Variants in SGCZ observed in about 807,000 individuals in gnomAD.
The protein encoded by SGCZ is sarcoglycan zeta, also known as zeta-sarcoglycan.
SGCZ carries 40 observed loss-of-function variants against 41.3 expected under a neutral mutation model. The ratio of observed to expected loss-of-function variants is 0.97; its 90% CI spans 0.75 to 1.26. The LOEUF is 1.26. SGCZ is among the 50% of genes most tolerant of loss of function. The pLI, the probability that SGCZ is intolerant of heterozygous loss-of-function variation, is 0.00. For missense variants in SGCZ, 552 were observed against 369.8 expected (o/e 1.49, Z -4.04); for synonymous variants, 206 against 137.5 (o/e 1.50, Z -3.49).
chr8:14,814,785 G>A (rs1801850715), intron 1 of SGCZ, among the ~76,000 whole-genome samples: 1 of 151,996 alleles, frequency 6.6e-6, no homozygotes, highest in East Asian at 1.9e-4. Context: ...TTTTTCTTGA[G>A]CAAGGTATTA....
At chr8:14,971,944 T>G (rs946284084) in intron 1 of SGCZ, among the ~76,000 whole-genome samples, 2 of 152,118 alleles carry the variant, frequency 1.3e-5, no homozygotes, top group Admixed American at 1.3e-4. Flanking sequence ...TTTGCAAAAC[T>G]TTTGTTTTGA....
Position 14,518,252 on chromosome 8 carries a change from G to A in SGCZ, c.234+36480C>T, listed in dbSNP as rs554261736. Reference sequence around the variant, plus strand: ...AGCTTGCTATTGTTGGATTTCAAAAGCTAACACCTGAAAATATGCTAATCA... The same window carrying A: ...AGCTTGCTATTGTTGGATTTCAAAAACTAACACCTGAAAATATGCTAATCA... On this transcript the variant is annotated intron_variant, in intron 2 of 7. Transcript: ENST00000382080. Among the ~76,000 whole-genome samples, 372 of 151,970 alleles carry A rather than the reference G, an allele frequency of 2.4e-3. 1 individual carries two copies. The highest frequency in any genetic ancestry group is 3.2e-3 in the Non-Finnish European group (220 of 67,920).
At chr8:14,139,757 C>A (rs898845558) in intron 5 of SGCZ, among the ~76,000 whole-genome samples, 1 of 152,106 alleles carries the variant, frequency 6.6e-6, no homozygotes, top group East Asian at 1.9e-4. Context: ...ACCAGAGGTA[C>A]AAAGAGAAGC....
chr8:14,923,638 A>G (rs1189022690), intron 1 of SGCZ, among the ~76,000 whole-genome samples: 2 of 152,246 alleles, frequency 1.3e-5, no homozygotes, highest in Non-Finnish European at 2.9e-5. Context: ...GCAAAGAACA[A>G]TTTAAAGTAC....
chr8:15,052,685 C>A (rs1585514416), intron 1 of SGCZ, among the ~76,000 whole-genome samples: 1 of 152,254 alleles, frequency 6.6e-6, no homozygotes, highest in East Asian at 1.9e-4. Flanking sequence ...AAAATTAAGA[C>A]TTTATGGACA....
At chr8:14,427,050 G>T (rs1019470877) in intron 2 of SGCZ, among the ~76,000 whole-genome samples, 1 of 143,180 alleles carries the variant, frequency 7.0e-6, no homozygotes, top group Non-Finnish European at 1.6e-5. Flanking sequence ...ATGAATGAAT[G>T]AATGAATGAA....
chr8:14,597,625 G>A (rs1325407575), intron 1 of SGCZ, among the ~76,000 whole-genome samples: 2 of 152,082 alleles, frequency 1.3e-5, no homozygotes, highest in Non-Finnish European at 2.9e-5. Context: ...TTACAGGCAT[G>A]TGCCACCATG....
intron 1 of SGCZ, among the ~76,000 whole-genome samples, chr8:15,004,439 A>G (rs1326035533): frequency 6.6e-6 from 1 of 152,148 alleles, no homozygotes; most frequent in African/African-American, 2.4e-5. Context: ...AAAAAGGCAG[A>G]CACTTAAGAT....
chr8:14,571,169 CG>C (rs766068328), intron 1 of SGCZ, among the ~76,000 whole-genome samples: 1 of 151,832 alleles, frequency 6.6e-6, no homozygotes, highest in East Asian at 1.9e-4. Context: ...TGCAAGGTGG[CG>C]GGAAAGGGAG....
intron 5 of SGCZ, among the ~76,000 whole-genome samples, chr8:14,155,157 G>A (rs1225829551): frequency 3.3e-5 from 5 of 152,178 alleles, no homozygotes; most frequent in Non-Finnish European, 7.3e-5. Context: ...GCTGGCAAAT[G>A]TCCAGTTTCC....
At chr8:14,856,477 T>G (rs1803549544) in intron 1 of SGCZ, among the ~76,000 whole-genome samples, 1 of 152,168 alleles carries the variant, frequency 6.6e-6, no homozygotes, top group Non-Finnish European at 1.5e-5. Context: ...GCCAAAGTTT[T>G]CCACACTCAG....
At chr8:15,143,212 A>G (rs1215506485) in intron 1 of SGCZ, among the ~76,000 whole-genome samples, 2 of 152,246 alleles carry the variant, frequency 1.3e-5, no homozygotes, top group Non-Finnish European at 2.9e-5. Flanking sequence ...TGCTACAAAC[A>G]TAATAAAAGT....
At chr8:14,252,544 T>C (rs1799322559) in intron 3 of SGCZ, among the ~76,000 whole-genome samples, 1 of 152,200 alleles carries the variant, frequency 6.6e-6, no homozygotes, top group East Asian at 1.9e-4. Flanking sequence ...ATTGTTTGTT[T>C]AGATCATAAT....
chr8:14,882,452 TTCTA>T (rs1804629269), intron 1 of SGCZ, among the ~76,000 whole-genome samples: 2 of 152,328 alleles, frequency 1.3e-5, no homozygotes, highest in East Asian at 1.9e-4. Context: ...ATTATTTTCC[TTCTA>T]TCTATGTGTT....
At chr8:14,515,845 T>A (rs985664682) in intron 2 of SGCZ, among the ~76,000 whole-genome samples, 1 of 152,110 alleles carries the variant, frequency 6.6e-6, no homozygotes, top group African/African-American at 2.4e-5. Context: ...ATTAGATAAG[T>A]GCTTTGCTTA....
intron 1 of SGCZ, among the ~76,000 whole-genome samples, chr8:14,824,624 G>A (rs568214363): frequency 2.0e-5 from 3 of 151,948 alleles, no homozygotes; most frequent in East Asian, 1.9e-4. Context: ...CCAAGAACCT[G>A]CCTTTACATC....
chr8:14,329,825 G>C (rs1377728980), intron 2 of SGCZ, among the ~76,000 whole-genome samples: 4 of 151,632 alleles, frequency 2.6e-5, no homozygotes, highest in African/African-American at 9.7e-5. Context: ...GTTGGTGTTG[G>C]TATTTGTTTT....
chr8:14,636,795 T>C (rs1343498426), intron 1 of SGCZ, among the ~76,000 whole-genome samples: 1 of 151,846 alleles, frequency 6.6e-6, no homozygotes, highest in Non-Finnish European at 1.5e-5. Flanking sequence ...TAAACATAAA[T>C]TCCAGTTGAG....
intron 1 of SGCZ, among the ~76,000 whole-genome samples, chr8:14,706,779 G>C (rs924337634): frequency 2.0e-5 from 3 of 152,010 alleles, no homozygotes; most frequent in Admixed American, 2.0e-4. Flanking sequence ...GTTTAGCAAT[G>C]GTAATATGAC....
Sources: gnomAD v4.1 joint callset for allele counts (sites outside exome capture counted in the v4.1 genomes callset) on GRCh38, gnomAD v4.1.1 for gene constraint, MANE v1.5 for transcripts, NCBI Gene and HGNC (gene_info 2026-07-23, HGNC 2026-07-21) for gene names.